Variants in GTPBP10 observed in about 807,000 individuals in gnomAD.
GTPBP10 encodes GTP-binding protein 10.
Under a neutral mutation model 44.8 loss-of-function variants are expected in GTPBP10, and 38 were observed. The ratio of observed to expected loss-of-function variants is 0.85; its 90% CI spans 0.65 to 1.11. The LOEUF is 1.11. Ranked by LOEUF, GTPBP10 falls within the 50% of genes most tolerant of loss-of-function variation. GTPBP10 has a pLI of 0.00. For synonymous variants in GTPBP10, 152 were observed against 150.6 expected (o/e 1.01, Z -0.07); for missense variants, 462 against 453.7 (o/e 1.02, Z -0.17).
intron 4 of GTPBP10, among the ~76,000 whole-genome samples, chr7:90,358,285 A>T (rs1202112074): frequency 6.6e-6 from 1 of 152,224 alleles, no homozygotes; most frequent in East Asian, 1.9e-4. Context: ...ATCATAGATG[A>T]CACAAACAAA....
At chr7:90,381,895 C>T (rs1562961420) in intron 8 of GTPBP10, among the ~76,000 whole-genome samples, 1 of 152,102 alleles carries the variant, frequency 6.6e-6, no homozygotes, top group Non-Finnish European at 1.5e-5. Flanking sequence ...CCTTACTTCA[C>T]ACCATATAAA....
chr7:90,350,705 G>A (rs1795775192), intron 1 of GTPBP10, among the ~76,000 whole-genome samples: 1 of 152,192 alleles, frequency 6.6e-6, no homozygotes, highest in South Asian at 2.1e-4. Context: ...AAAAGTGCAA[G>A]GTTTTCACAC....
chr7:90,384,926 A>G lies in GTPBP10; in HGVS notation c.936A>G (p.Pro312=), dbSNP rs1222315748. The G allele has an allele frequency of 1.7e-5, 28 of 1,607,180 alleles. No homozygotes were observed. The East Asian group carries it at 6.3e-4, about 36-fold the overall frequency. ...FLHLFEKNMI[P]ERTVEFQHII... ...ATTTATTTGAAAAAAACATGATTCC[A>G]GAGAGGACTGTAGAGTTCCAACATA... Residue 312 remains proline (P), a synonymous_variant, in exon 10 of 10, where the codon CCA becomes CCG. Transcript: ENST00000222511.
At chr7:90,380,171 C>T (rs1796412198) in intron 8 of GTPBP10, among the ~76,000 whole-genome samples, 1 of 150,732 alleles carries the variant, frequency 6.6e-6, no homozygotes, top group East Asian at 2.0e-4. Flanking sequence ...CCCCACCTCC[C>T]AAGTTCAAGT....
rs1796552596 is a variant in GTPBP10 at position 90,387,917 on chromosome 7, AG to A, written c.*2764del. The A allele has an allele frequency of 6.6e-6, 1 of 152,216 alleles. No individual in the cohort carries two copies. Among genetic ancestry groups the A allele is most frequent in the Admixed American group, 6.5e-5 (1 of 15,280 alleles). 9.4% of individuals were successfully genotyped at this position (152,216 alleles called of 1,614,324 possible). ...CTCCATTGTTTTCTAAATGTAAACA[AG>A]TATCAATGTAAGGACAGTTTCATCA... On this transcript the variant is annotated 3_prime_UTR_variant, in exon 10 of 10. Transcript: ENST00000222511.
rs539468683 is a variant in GTPBP10, at chr7:90,377,447, A to G, written c.592-60A>G. On this transcript the variant is annotated intron_variant, in intron 6 of 9. Transcript: ENST00000222511. Reference sequence around the variant, plus strand: ...AAATATCTTAAAAATTTTGGGATGTAATTGAACTTGCGGTTTTCATACATT... The same window carrying G: ...AAATATCTTAAAAATTTTGGGATGTGATTGAACTTGCGGTTTTCATACATT... 117 of 1,114,398 alleles carry G rather than the reference A, an allele frequency of 1.0e-4. No individual in the cohort carries two copies. In the Middle Eastern group the frequency reaches 5.0e-3, roughly 48 times the overall value. The allele number at this position is 1,114,398 out of a possible 1,614,324, so 69.0% of individuals were successfully genotyped here. A position where few individuals can be genotyped will look rare whatever the true frequency, so the allele number is the denominator to read the frequency against.
chr7:90,347,514 C>G (rs1169746330), intron 1 of GTPBP10: 1 of 519,610 alleles, frequency 1.9e-6, no homozygotes, highest in Non-Finnish European at 2.5e-6. Flanking sequence ...AAAAAAATCC[C>G]ATTTGTTTTT....
chr7:90,378,117 CCTT>C lies in GTPBP10; in HGVS notation c.700-14_700-12del. 1.2e-6 allele frequency: 2 copies of C among 1,603,704 alleles called. No individual in the cohort carries two copies. The highest frequency in any genetic ancestry group is 1.7e-6 in the Non-Finnish European group (2 of 1,172,140). Reference sequence around the variant, plus strand: ...TTCGTATGTTAAAGGCTGTCTCTTTCCTTCTCTTTTTTTTAGGTTGATATTTCT... The same window carrying C: ...TTCGTATGTTAAAGGCTGTCTCTTTCCTCTTTTTTTTAGGTTGATATTTCT... On this transcript the variant is annotated splice_polypyrimidine_tract_variant and intron_variant, in intron 7 of 9. Transcript: ENST00000222511.
In GTPBP10 at chr7:90,389,363, CTT is replaced by C. The variant is rs1008685027; in HGVS notation, c.*4212_*4213del. On this transcript the variant is annotated 3_prime_UTR_variant, in exon 10 of 10. Coordinates refer to ENST00000222511, the MANE Select transcript of GTPBP10 (RefSeq NM_033107.4). ...GAATACATGAGTTGTTTTTTAAACTCTTTTGGGAGCCTAAAAAATTTGAATTT... is the reference window on the plus strand; with the variant it reads ...GAATACATGAGTTGTTTTTTAAACTCTTGGGAGCCTAAAAAATTTGAATTT... 3 of 151,418 alleles carry C rather than the reference CTT, an allele frequency of 2.0e-5. No homozygotes were observed. Among genetic ancestry groups the C allele is most frequent in the African/African-American group, 4.9e-5 (2 of 41,144 alleles). The allele number at this position is 151,418 out of a possible 1,614,324, so 9.4% of individuals were successfully genotyped here.
chr7:90,359,922 A>C (rs540530205), intron 4 of GTPBP10, among the ~76,000 whole-genome samples: 21 of 152,212 alleles, frequency 1.4e-4, no homozygotes, highest in African/African-American at 4.6e-4. Flanking sequence ...TGTTTGTTGG[A>C]TGCATAAATG....
intron 6 of GTPBP10, among the ~76,000 whole-genome samples, chr7:90,375,432 T>C (rs555285611): frequency 1.3e-5 from 2 of 151,898 alleles, no homozygotes; most frequent in East Asian, 3.9e-4. Flanking sequence ...CTTTGGGTGC[T>C]AACGATGCAT....
In GTPBP10 at chr7:90,346,779, G is replaced by T; in HGVS notation, c.33+5G>T. Reference sequence around the variant, plus strand: ...AGTTGCGTGTTGTTCAGAAAGGTCCGTGCGGGTCCCCTCAGCCTGGTCCCC... The same window carrying T: ...AGTTGCGTGTTGTTCAGAAAGGTCCTTGCGGGTCCCCTCAGCCTGGTCCCC... On this transcript the variant is annotated splice_donor_5th_base_variant and intron_variant, in intron 1 of 9. Transcript: ENST00000222511. 1 of 1,614,096 alleles carries T rather than the reference G, an allele frequency of 6.2e-7. No homozygotes were observed. Among genetic ancestry groups the T allele is most frequent in the Non-Finnish European group, 8.5e-7 (1 of 1,179,974 alleles).
chr7:90,375,907 G>A (rs766845357), intron 6 of GTPBP10, among the ~76,000 whole-genome samples: 11 of 151,914 alleles, frequency 7.2e-5, no homozygotes, highest in East Asian at 1.9e-4. Flanking sequence ...AGTTCCCTAC[G>A]TGATTATGAT....
intron 4 of GTPBP10, among the ~76,000 whole-genome samples, chr7:90,357,776 A>T (rs1166823319): frequency 6.6e-6 from 1 of 152,142 alleles, no homozygotes; most frequent in Non-Finnish European, 1.5e-5. Context: ...AGTAACCCCC[A>T]TTCCTAGTAC....
chr7:90,381,726 C>CA (rs1796438968), intron 8 of GTPBP10, among the ~76,000 whole-genome samples: 2 of 152,106 alleles, frequency 1.3e-5, no homozygotes, highest in Admixed American at 1.3e-4. Context: ...ACACATAAAC[C>CA]AATGGAACAG....
At chr7:90,349,059 T>G (rs42650) in intron 1 of GTPBP10, among the ~76,000 whole-genome samples, 4,296 of 152,296 alleles carry the variant, frequency 0.028, 102 homozygotes, top group South Asian at 0.12. Context: ...TTTTGGCATA[T>G]TCACAGCCTC....
intron 1 of GTPBP10, among the ~76,000 whole-genome samples, chr7:90,349,359 G>T (rs1795743957): frequency 6.6e-6 from 1 of 152,136 alleles, no homozygotes; most frequent in Non-Finnish European, 1.5e-5. Flanking sequence ...CAGACATTGT[G>T]TTTGGGGGCA....
chr7:90,369,460 G>A (rs1796211581), intron 4 of GTPBP10, among the ~76,000 whole-genome samples: 1 of 152,136 alleles, frequency 6.6e-6, no homozygotes, highest in Non-Finnish European at 1.5e-5. Context: ...CACCCATTTC[G>A]AGCTTCCAGG....
chr7:90,390,671 T>C lies in GTPBP10; in HGVS notation c.*5517T>C, dbSNP rs921243504. ...AGTATTTTCTTATCTAAATTCTGAG[T>C]GCATTGAAAGTTTAAAGCAAAGGAC... On this transcript the variant is annotated 3_prime_UTR_variant, in exon 10 of 10. Transcript: ENST00000222511. The C allele has an allele frequency of 2.6e-5, 4 of 152,140 alleles. No homozygotes were observed. Among genetic ancestry groups the C allele is most frequent in the African/African-American group, 9.7e-5 (4 of 41,436 alleles). 9.4% of individuals were successfully genotyped at this position (152,140 alleles called of 1,614,324 possible).
Sources: allele counts gnomAD v4.1 joint callset (sites outside exome capture counted in the v4.1 genomes callset), GRCh38; gene constraint gnomAD v4.1.1; transcripts MANE v1.5; gene names NCBI Gene and HGNC (gene_info 2026-07-23, HGNC 2026-07-21).